Variants in SYNE2 observed in about 807,000 individuals in gnomAD.
SYNE2 encodes the protein spectrin repeat containing nuclear envelope protein 2.
SYNE2 carries 431 observed loss-of-function variants against 856.3 expected under a neutral mutation model. The ratio of observed to expected loss-of-function variants is 0.50; its 90% CI spans 0.47 to 0.55. The LOEUF is 0.55. SYNE2 is among the 20% of genes least tolerant of loss of function. The pLI, the probability that SYNE2 is intolerant of heterozygous loss-of-function variation, is 0.00. For synonymous variants in SYNE2, 2,923 were observed against 2,872.3 expected, an observed-to-expected ratio of 1.02 and a Z score of -0.56; for missense variants, 8,129 against 8,023.2, an observed-to-expected ratio of 1.01 and a Z score of -0.50.
Position 64,027,554 on chromosome 14 carries a change from A to T in SYNE2, c.6475A>T (p.Ile2159Leu), listed in dbSNP as rs754300747. The part of the protein sequence containing the change: ...QSKEDLRLML[I>L]ELKKKQEAGF... ...TAAGGAGGATCTGAGATTAATGCTC[A>T]TAGAACTAAAGAAGAAACAGGAAGC... The change falls in exon 43 of 116, where the codon ATA (isoleucine) becomes TTA (leucine). Residue 2159 changes from isoleucine (I) to leucine (L), a missense_variant. By Grantham distance (5) the Ile-to-Leu change is conservative. This residue lies in a region of SYNE2 where 297 missense variants were observed against 380.9 expected (regional missense o/e 0.78). Coordinates refer to ENST00000555002, the MANE Select transcript of SYNE2 (RefSeq NM_182914.3). 1.2e-6 allele frequency: 2 copies of T among 1,611,172 alleles called. No individual in the cohort carries two copies. The highest frequency in any genetic ancestry group is 1.7e-5 in the Admixed American group (1 of 59,946).
At chr14:64,003,444 C>T (rs774912108) in intron 30 of SYNE2, 114 bp downstream of exon 30, 2 of 1,060,626 alleles carry the variant, frequency 1.9e-6, no homozygotes, top group Non-Finnish European at 2.7e-6. Flanking sequence ...CCATCCCACT[C>T]TATTCAGTGT....
chr14:64,110,974 A>G (rs952899992), intron 65 of SYNE2, among the ~76,000 whole-genome samples: 1 of 152,102 alleles, frequency 6.6e-6, no homozygotes, highest in Non-Finnish European at 1.5e-5. Flanking sequence ...TCAAATAACT[A>G]GCAAAAAAAA....
intron 66 of SYNE2, among the ~76,000 whole-genome samples, chr14:64,115,977 C>T (rs2097850994): frequency 6.6e-6 from 1 of 152,060 alleles, no homozygotes; most frequent in South Asian, 2.1e-4. Flanking sequence ...AACATAGTTA[C>T]ACCTTGTCTC....
At chr14:64,076,208 T>A (rs1595353674) in intron 54 of SYNE2, 108 bp downstream of exon 54, 1 of 1,274,924 alleles carries the variant, frequency 7.8e-7, no homozygotes, top group East Asian at 2.5e-5. Flanking sequence ...CAGCTATAAC[T>A]TCTTTTAAGA....
intron 85 of SYNE2, among the ~76,000 whole-genome samples, chr14:64,154,707 C>T (rs1173427644): frequency 6.7e-6 from 1 of 150,026 alleles, no homozygotes; most frequent in Non-Finnish European, 1.5e-5. Context: ...GCACGAGGAT[C>T]ACCTGAGCCT....
intron 61 of SYNE2, among the ~76,000 whole-genome samples, chr14:64,097,035 T>C (rs760940315): frequency 1.1e-4 from 16 of 152,336 alleles, no homozygotes; most frequent in Non-Finnish European, 2.1e-4. Context: ...TCAGAGGTGC[T>C]AGAGAGGAGG....
At position 63,998,896 on chromosome 14, in the gene SYNE2, G is replaced by C; in HGVS notation, c.3354-18G>C. On this transcript the variant is annotated intron_variant, in intron 26 of 115. Transcript: ENST00000555002. The stretch of plus-strand genomic sequence containing the variant: ...TTTAAAAATTAACTATTGTGATGTT[G>C]CATTTCATTTTGCCCAGGTATGATA... 1 of 1,613,290 alleles carries C rather than the reference G, an allele frequency of 6.2e-7. No individual in the cohort carries two copies. Among genetic ancestry groups the C allele is most frequent in the Non-Finnish European group, 8.5e-7 (1 of 1,179,566 alleles).
Position 64,125,093 on chromosome 14 carries a change from G to A in SYNE2, c.13437G>A (p.Met4479Ile), listed in dbSNP as rs766234456. 6.2e-7 allele frequency: 1 copy of A among 1,614,118 alleles called. No individual in the cohort carries two copies. Among genetic ancestry groups the A allele is most frequent in the Admixed American group, 1.7e-5 (1 of 60,002 alleles). ...TTGTCAAATAGGTTTCCACAAATAT[G>A]GGTATTCTACCCAGCGTGACTATGT... ...QLVEPQVSTNMGILPSVTMYN... is the reference protein window; with the variant it reads ...QLVEPQVSTNIGILPSVTMYN... Residue 4479 changes from methionine to isoleucine, a missense_variant, in exon 71 of 116, where the codon ATG (methionine) becomes ATA (isoleucine). This residue lies in a region of SYNE2 where 5,410 missense variants were observed against 5,284.8 expected (regional missense o/e 1.02). Coordinates refer to ENST00000555002, the MANE Select transcript of SYNE2 (RefSeq NM_182914.3).
chr14:63,879,119 G>A (rs536510294), intron 1 of SYNE2, among the ~76,000 whole-genome samples: 1 of 152,186 alleles, frequency 6.6e-6, no homozygotes, highest in Non-Finnish European at 1.5e-5. Context: ...CATAAGCCAA[G>A]AAGACTGTAA....
intron 2 of SYNE2, among the ~76,000 whole-genome samples, chr14:63,939,879 G>A (rs1038851564): frequency 3.3e-5 from 5 of 152,086 alleles, no homozygotes; most frequent in East Asian, 1.9e-4. Context: ...ATTCAGTGGC[G>A]ATATATTCTC....
At chr14:64,203,259 T>C (rs2098586052) in intron 100 of SYNE2, among the ~76,000 whole-genome samples, 1 of 152,230 alleles carries the variant, frequency 6.6e-6, no homozygotes, top group South Asian at 2.1e-4. Flanking sequence ...ATCTTTGTTG[T>C]GTTTTGTTAA....
intron 1 of SYNE2, among the ~76,000 whole-genome samples, chr14:63,839,264 C>T (rs1413005227): frequency 2.6e-5 from 4 of 151,602 alleles, no homozygotes; most frequent in East Asian, 1.9e-4. Context: ...CTCCTGACCT[C>T]GTGATCCGCC....
chr14:63,783,222 T>C (rs973268006), intron 1 of SYNE2, among the ~76,000 whole-genome samples: 1 of 152,166 alleles, frequency 6.6e-6, no homozygotes, highest in Admixed American at 6.5e-5. Flanking sequence ...TGTTTGGTAG[T>C]TCCTCCTGCG....
Position 64,002,003 on chromosome 14 carries a change from C to T in SYNE2, c.3708C>T (p.Gly1236=), listed in dbSNP as rs373420375. 2.5e-5 allele frequency: 41 copies of T among 1,613,854 alleles called. No individual in the cohort carries two copies. The highest frequency in any genetic ancestry group is 1.6e-4 in the Middle Eastern group (1 of 6,084). ...AGAAGGCATCACTTCTTCTCTGTGGCTCGGACCTGCCTCTCCATAAAATGG... is the reference window on the plus strand; with the variant it reads ...AGAAGGCATCACTTCTTCTCTGTGGTTCGGACCTGCCTCTCCATAAAATGG... The part of the protein sequence containing the change: ...PVEKASLLLC[G]SDLPLHKMAI... Residue 1236 remains glycine, a synonymous_variant, in exon 29 of 116, where the codon GGC becomes GGT. Transcript: ENST00000555002.
chr14:63,954,667 G>A, intron 7 of SYNE2, 52 bp from the exon 8 acceptor site: 1 of 1,484,500 alleles, frequency 6.7e-7, no homozygotes, highest in East Asian at 2.3e-5. Context: ...GTGGAGGGGG[G>A]TGTTACGTTC....
intron 45 of SYNE2, among the ~76,000 whole-genome samples, chr14:64,032,765 G>A (rs1361279744): frequency 6.6e-6 from 1 of 152,128 alleles, no homozygotes; most frequent in Non-Finnish European, 1.5e-5. Flanking sequence ...AGAAGATGGG[G>A]TTTCTCTAAT....
chr14:64,175,171 A>G (rs1249316166), intron 95 of SYNE2, 33 bp downstream of exon 95: 3 of 1,610,508 alleles, frequency 1.9e-6, no homozygotes, highest in Non-Finnish European at 2.5e-6. Context: ...CATTCATGAT[A>G]TTCAAATTCA....
intron 1 of SYNE2, among the ~76,000 whole-genome samples, chr14:63,877,743 G>A (rs560518349): frequency 6.6e-6 from 1 of 152,240 alleles, no homozygotes; most frequent in African/African-American, 2.4e-5. Context: ...TTCCCTATGT[G>A]TGTGTTCTTT....
chr14:64,064,675 C>T (rs1018643876), intron 50 of SYNE2, among the ~76,000 whole-genome samples: 10 of 151,220 alleles, frequency 6.6e-5, no homozygotes, highest in South Asian at 2.1e-4. Context: ...CATCCCAGCC[C>T]GCTGAGTAGC....
Sources: gnomAD v4.1 joint callset for allele counts (sites outside exome capture counted in the v4.1 genomes callset) on GRCh38, gnomAD v4.1.1 for gene constraint, gnomAD v4.1.1 regional missense constraint, MANE v1.5 for transcripts, NCBI Gene and HGNC (gene_info 2026-07-23, HGNC 2026-07-21) for gene names.